The following ARMC2 variants were observed in gnomAD, a reference collection of about 807,000 sequenced individuals.
ARMC2 encodes the protein armadillo repeat-containing protein 2.
In ARMC2, 67 loss-of-function variants were observed where a neutral mutation model predicts 90.3. The observed-to-expected ratio is 0.74, with a 90% CI of 0.61 to 0.91. The LOEUF (loss-of-function observed/expected upper bound fraction) is 0.91. ARMC2 is among the 40% of genes least tolerant of loss of function. The pLI, the probability that ARMC2 is intolerant of heterozygous loss-of-function variation, is 0.00. For missense variants in ARMC2, 920 were observed against 1,030.9 expected (o/e 0.89, Z 1.47); for synonymous variants, 393 against 393.0 (o/e 1.00, Z 0.00).
At chr6:109,047,156 C>A in the ARMC2 span, among the ~76,000 whole-genome samples, 1 of 41,240 alleles carries the variant, frequency 2.4e-5, no homozygotes, top group Admixed American at 2.0e-4. Context: ...CCGCCCGGTC[C>A]GGGAGGGAGG....
At chr6:108,891,508 A>G (rs1275099969) in intron 5 of ARMC2, among the ~76,000 whole-genome samples, 3 of 152,214 alleles carry the variant, frequency 2.0e-5, no homozygotes, top group African/African-American at 7.2e-5. Context: ...ACCAGTGATG[A>G]TGAGCTTTTT....
At chr6:108,983,381 T>C in the ARMC2 span, among the ~76,000 whole-genome samples, 1 of 152,212 alleles carries the variant, frequency 6.6e-6, no homozygotes, top group African/African-American at 2.4e-5. Context: ...TTCCCCGTGT[T>C]TTCATCTAGT....
chr6:108,910,205 C>T (rs1773268990), intron 8 of ARMC2, among the ~76,000 whole-genome samples: 1 of 152,142 alleles, frequency 6.6e-6, no homozygotes, highest in African/African-American at 2.4e-5. Flanking sequence ...GTGGCTCACA[C>T]TTGTAATCTC....
At chr6:108,932,898 C>G (rs1341337900) in intron 11 of ARMC2, among the ~76,000 whole-genome samples, 2 of 152,040 alleles carry the variant, frequency 1.3e-5, no homozygotes, top group African/African-American at 4.8e-5. Context: ...TTTCTGGGCT[C>G]TCTGTTCTGT....
the ARMC2 span, among the ~76,000 whole-genome samples, chr6:109,005,153 G>C: frequency 6.6e-6 from 1 of 152,106 alleles, no homozygotes; most frequent in Non-Finnish European, 1.5e-5. Flanking sequence ...CTAATAGTAC[G>C]AGGTTGAAAA....
chr6:108,890,909 C>T (rs1043334791), intron 5 of ARMC2, among the ~76,000 whole-genome samples: 9 of 149,566 alleles, frequency 6.0e-5, no homozygotes, highest in African/African-American at 2.0e-4. Context: ...TCCCCTAGCC[C>T]CCCACCCCCC....
intron 17 of ARMC2, among the ~76,000 whole-genome samples, chr6:108,969,241 CTT>C (rs1254012690): frequency 6.6e-6 from 1 of 152,188 alleles, no homozygotes; most frequent in African/African-American, 2.4e-5. Flanking sequence ...CATTCGACAA[CTT>C]TGCCTTATAA....
rs12664101 is a variant in ARMC2 at position 108,904,689 on chromosome 6, A to G, written c.1023+284A>G. Among the ~76,000 whole-genome samples the G allele has an allele frequency of 6.6e-5, 10 of 152,154 alleles. No homozygotes were observed. In the East Asian group the frequency reaches 1.9e-3, roughly 29 times the overall value. On this transcript the variant is annotated intron_variant, in intron 8 of 17. Coordinates refer to ENST00000392644, the MANE Select transcript of ARMC2 (RefSeq NM_032131.6). ...GAAGAAGAAGGAAGGAAGGAAAGGC[A>G]AGAAAGAAAAAGAAATAACCGTAGG...
chr6:108,868,796 C>T, intron 3 of ARMC2, 28 bp from the exon 4 acceptor site: 1 of 1,607,980 alleles, frequency 6.2e-7, no homozygotes, highest in South Asian at 1.1e-5. Context: ...GAAAGTCATT[C>T]CAGTTATTTA....
downstream of ARMC2, among the ~76,000 whole-genome samples, chr6:108,978,329 T>A (rs1210851983): frequency 6.6e-6 from 1 of 152,254 alleles, no homozygotes; most frequent in African/African-American, 2.4e-5. Context: ...TTCTTAGTCC[T>A]GAGTTCTAAT....
chr6:108,990,718 T>A, the ARMC2 span: 2 of 1,614,166 alleles, frequency 1.2e-6, no homozygotes, highest in African/African-American at 1.3e-5. Flanking sequence ...TCTTTGTGCA[T>A]TGCCATTGTA....
intron 5 of ARMC2, among the ~76,000 whole-genome samples, chr6:108,878,762 T>A (rs1176527912): frequency 1.3e-5 from 2 of 152,222 alleles, no homozygotes; most frequent in East Asian, 3.8e-4. Flanking sequence ...TATGCCCATT[T>A]AGGGATTCAT....
At chr6:108,897,650 T>C (rs1771731585) in intron 6 of ARMC2, among the ~76,000 whole-genome samples, 2 of 152,076 alleles carry the variant, frequency 1.3e-5, no homozygotes, top group Non-Finnish European at 2.9e-5. Flanking sequence ...TGGGAAGGCC[T>C]GTGTGTTGGG....
chr6:108,916,064 C>G (rs760539931), intron 10 of ARMC2, among the ~76,000 whole-genome samples: 10 of 109,370 alleles, frequency 9.1e-5, no homozygotes, highest in Non-Finnish European at 1.8e-4. Flanking sequence ...AGCAGACGGA[C>G]TAATGTTGCT....
chr6:109,037,746 G>A, the ARMC2 span, among the ~76,000 whole-genome samples: 1 of 151,888 alleles, frequency 6.6e-6, no homozygotes, highest in Non-Finnish European at 1.5e-5. Context: ...ATTTACTAGA[G>A]TATATGGCTG....
intron 12 of ARMC2, among the ~76,000 whole-genome samples, chr6:108,949,505 G>A (rs895386680): frequency 6.6e-5 from 10 of 152,166 alleles, no homozygotes; most frequent in African/African-American, 2.4e-4. Flanking sequence ...CTTTCAGCAG[G>A]AAACATGTAT....
At chr6:109,019,878 T>G in the ARMC2 span, among the ~76,000 whole-genome samples, 1 of 152,226 alleles carries the variant, frequency 6.6e-6, no homozygotes, top group Non-Finnish European at 1.5e-5. Flanking sequence ...TACAGTACTT[T>G]AGTTTGTAGA....
At chr6:108,996,142 G>C in the ARMC2 span, among the ~76,000 whole-genome samples, 2 of 152,212 alleles carry the variant, frequency 1.3e-5, no homozygotes, top group Non-Finnish European at 2.9e-5. Flanking sequence ...GCCTAGCATA[G>C]TACCTGGTAC....
chr6:109,021,942 T>C, the ARMC2 span, among the ~76,000 whole-genome samples: 2 of 152,166 alleles, frequency 1.3e-5, no homozygotes, highest in Non-Finnish European at 2.9e-5. Context: ...ATACTATATC[T>C]AAAGGATTGG....
Sources: gnomAD v4.1 joint callset for allele counts (sites outside exome capture counted in the v4.1 genomes callset) on GRCh38, gnomAD v4.1.1 for gene constraint, MANE v1.5 for transcripts, NCBI Gene and HGNC (gene_info 2026-07-23, HGNC 2026-07-21) for gene names.